The following SEC23B variants were observed in gnomAD, a reference collection of about 807,000 sequenced individuals.
SEC23B encodes SEC23 homolog B, COPII component.
In SEC23B, 77 loss-of-function variants were observed where a neutral mutation model predicts 104.3. That is an observed-to-expected ratio of 0.74 (90% CI 0.61 to 0.89). The LOEUF (loss-of-function observed/expected upper bound fraction) is 0.89. SEC23B is among the 40% of genes least tolerant of loss of function. The pLI, the probability that SEC23B is intolerant of heterozygous loss-of-function variation, is 0.00. For missense variants in SEC23B, 885 were observed against 949.4 expected (o/e 0.93, Z 0.89); for synonymous variants, 338 against 332.5 (o/e 1.02, Z -0.18).
chr20:18,542,928 T>G, intron 13 of SEC23B, 91 bp from the exon 14 acceptor site: 9 of 1,524,212 alleles, frequency 5.9e-6, no homozygotes, highest in Non-Finnish European at 8.2e-6. Context: ...AATGAGCCAC[T>G]GCACCTAGCC....
chr20:18,554,156 G>A, intron 17 of SEC23B, 79 bp from the exon 18 acceptor site: 1 of 1,505,202 alleles, frequency 6.6e-7, no homozygotes, highest in Admixed American at 1.7e-5. Context: ...GCTCTGGGTG[G>A]CGATGGTAGA....
chr20:18,507,607 C>G (rs915973038), upstream of SEC23B: 4 of 152,292 alleles, frequency 2.6e-5, no homozygotes, highest in Non-Finnish European at 4.4e-5. Context: ...CCCACTGAGA[C>G]GAGCGGATGT....
intron 17 of SEC23B, among the ~76,000 whole-genome samples, chr20:18,551,534 C>T (rs1489075197): frequency 2.0e-5 from 3 of 151,950 alleles, no homozygotes; most frequent in Non-Finnish European, 4.4e-5. Flanking sequence ...ACCAACATGG[C>T]AAAACCCCAT....
In SEC23B at chr20:18,525,831, C is replaced by T; in HGVS notation, c.733C>T (p.Leu245Phe). The change falls in exon 7 of 20, where the codon CTT (leucine) becomes TTT (phenylalanine). Residue 245 changes from leucine (L) to phenylalanine (F), a missense_variant. By Grantham distance (22) the Leu-to-Phe change is conservative (BLOSUM62 0). Coordinates refer to ENST00000650089, the MANE Select transcript of SEC23B (RefSeq NM_006363.6). ...VHKIDMNLTD[L>F]LGELQRDPWP... ...CAAGATTGATATGAACCTCACTGAT[C>T]TTCTTGGGGAGCTACAGAGGGACCC... 1 of 1,614,108 alleles carries T rather than the reference C, an allele frequency of 6.2e-7. No homozygotes were observed.
intron 19 of SEC23B, among the ~76,000 whole-genome samples, chr20:18,559,081 G>A (rs913848977): frequency 2.4e-5 from 2 of 81,644 alleles, no homozygotes; most frequent in African/African-American, 1.0e-4. Flanking sequence ...GGTGGTTGGT[G>A]GGGGGGGTGT....
chr20:18,531,678 A>AT (rs974148893), intron 10 of SEC23B, among the ~76,000 whole-genome samples: 5 of 146,380 alleles, frequency 3.4e-5, no homozygotes, highest in African/African-American at 7.5e-5. Flanking sequence ...AAAAGACAGC[A>AT]TTTTGAGATT....
intron 4 of SEC23B, among the ~76,000 whole-genome samples, chr20:18,522,282 G>A (rs564931716): frequency 1.2e-4 from 18 of 152,260 alleles, no homozygotes; most frequent in Admixed American, 9.2e-4. Flanking sequence ...GAGATCAGAC[G>A]CCAATGGAAT....
At chr20:18,537,825 C>T (rs569942334) in intron 12 of SEC23B, among the ~76,000 whole-genome samples, 1 of 152,212 alleles carries the variant, frequency 6.6e-6, no homozygotes, top group South Asian at 2.1e-4. Context: ...TCATCTGATC[C>T]TTTAGTGAGT....
At chr20:18,516,756 T>C (rs994433211) in intron 4 of SEC23B, among the ~76,000 whole-genome samples, 2 of 152,050 alleles carry the variant, frequency 1.3e-5, no homozygotes, top group Non-Finnish European at 2.9e-5. Flanking sequence ...GGTTTCACCA[T>C]GTTAGCCAGG....
At chr20:18,551,046 A>C (rs1197277678) in intron 16 of SEC23B, 43 bp from the exon 17 acceptor site, 1 of 1,242,910 alleles carries the variant, frequency 8.0e-7, no homozygotes, top group Admixed American at 1.7e-5. Flanking sequence ...CTGTGTGGGG[A>C]GCAGGGAAGA....
chr20:18,516,066 A>T (rs1236495868), intron 4 of SEC23B: 1 of 296,656 alleles, frequency 3.4e-6, no homozygotes, highest in African/African-American at 2.2e-5. Context: ...TCCATATCTA[A>T]TTCACTGGAA....
Position 18,512,271 on chromosome 20 carries a change from C to G in SEC23B, c.268C>G (p.Gln90Glu). The G allele has an allele frequency of 6.3e-7, 1 of 1,576,644 alleles. No individual in the cohort carries two copies. The highest frequency in any genetic ancestry group is 1.7e-5 in the Admixed American group (1 of 59,728). The stretch of plus-strand genomic sequence containing the variant: ...ACTTTGGGCCTGTAATTTCTGTTTT[C>G]AAAGAAATCAGGTATGTGAATTATT... ...AKLWACNFCF[Q>E]RNQFPPAYGG... is the part of the protein sequence containing the mutation. The change falls in exon 3 of 20, where the codon CAA (glutamine) becomes GAA (glutamate). Residue 90 changes from glutamine (Q) to glutamate (E), a missense_variant. Transcript: ENST00000650089.
At chr20:18,553,604 G>T (rs1434050308) in intron 17 of SEC23B, among the ~76,000 whole-genome samples, 1 of 152,226 alleles carries the variant, frequency 6.6e-6, no homozygotes, top group Non-Finnish European at 1.5e-5. Context: ...AAAATGTGTA[G>T]CGTAGTCAGG....
At chr20:18,542,789 C>T (rs1251730860) in intron 13 of SEC23B, among the ~76,000 whole-genome samples, 1 of 152,070 alleles carries the variant, frequency 6.6e-6, no homozygotes, top group Non-Finnish European at 1.5e-5. Flanking sequence ...CACCTGCCAC[C>T]AAAACTAGCT....
Position 18,525,898 on chromosome 20 carries a change from G to C in SEC23B, c.800G>C (p.Gly267Ala), listed in dbSNP as rs754057624. ...TQGKRPLRSTGVALSIAVGLL... is the reference protein window; with the variant it reads ...TQGKRPLRSTAVALSIAVGLL... The stretch of plus-strand genomic sequence containing the variant: ...GGGAAGAGACCTTTGCGATCCACTG[G>C]TGTGGCTTTGTCCATTGCTGTTGGC... Residue 267 changes from glycine (G) to alanine (A), a missense_variant, in exon 7 of 20, where the codon GGT (glycine) becomes GCT (alanine). Coordinates refer to ENST00000650089, the MANE Select transcript of SEC23B (RefSeq NM_006363.6). The C allele has an allele frequency of 2.2e-5, 35 of 1,614,080 alleles. No homozygotes were observed. The highest frequency in any genetic ancestry group is 1.9e-4 in the South Asian group (17 of 91,082).
chr20:18,548,467 C>T (rs2060354674), intron 15 of SEC23B, 142 bp from the exon 16 acceptor site: 3 of 770,036 alleles, frequency 3.9e-6, no homozygotes, highest in Middle Eastern at 3.2e-4. Flanking sequence ...CCCCTGGTGC[C>T]CCCTTATGCT....
At position 18,543,180 on chromosome 20, in the gene SEC23B, G is replaced by A; in HGVS notation, c.1665+8G>A. 6.2e-7 allele frequency: 1 copy of A among 1,614,154 alleles called. No homozygotes were observed. Among genetic ancestry groups the A allele is most frequent in the Admixed American group, 1.7e-5 (1 of 60,008 alleles). ...CGACAACTCATCCGACTGGTAAATT[G>A]GGGACAGTGGCATTAGGTTCAGTCT... On this transcript the variant is annotated splice_region_variant and intron_variant, in intron 14 of 19. Transcript: ENST00000650089.
intron 14 of SEC23B, 149 bp downstream of exon 14, chr20:18,543,321 A>G: frequency 2.0e-6 from 2 of 1,008,994 alleles, no homozygotes; most frequent in Non-Finnish European, 3.0e-6. Context: ...TCTGTTAAAG[A>G]CGTGTTAAAT....
intron 5 of SEC23B, 82 bp downstream of exon 5, chr20:18,524,751 C>T: frequency 1.5e-6 from 2 of 1,301,326 alleles, no homozygotes; most frequent in Non-Finnish European, 2.2e-6. Context: ...AGCCTGTAGC[C>T]CAGGCTGGAG....
Sources: gnomAD v4.1 joint callset for allele counts (sites outside exome capture counted in the v4.1 genomes callset) on GRCh38, gnomAD v4.1.1 for gene constraint, MANE v1.5 for transcripts, NCBI Gene and HGNC (gene_info 2026-07-23, HGNC 2026-07-21) for gene names.